The following BCAR3 variants were observed in gnomAD, a reference collection of about 807,000 sequenced individuals.
The protein encoded by BCAR3 is BCAR3 adaptor protein, NSP family member.
BCAR3 carries 37 observed loss-of-function variants against 80.1 expected under a neutral mutation model. The ratio of observed to expected loss-of-function variants is 0.46; its 90% CI spans 0.36 to 0.61. The LOEUF (loss-of-function observed/expected upper bound fraction) is 0.61, where lower values mean the gene tolerates loss of function less well. BCAR3 is among the 20% of genes least tolerant of loss of function. BCAR3 has a pLI of 0.00. For missense variants in BCAR3, 978 were observed against 1,068.2 expected (o/e 0.92, Z 1.18); for synonymous variants, 389 against 418.9 (o/e 0.93, Z 0.87).
chr1:93,605,243 A>C (rs1674740640), intron 3 of BCAR3, among the ~76,000 whole-genome samples: 1 of 152,222 alleles, frequency 6.6e-6, no homozygotes, highest in African/African-American at 2.4e-5. Context: ...GGAAGGCCGA[A>C]GGTCAATGGG....
intron 2 of BCAR3, among the ~76,000 whole-genome samples, chr1:93,707,443 C>T (rs1649863953): frequency 6.6e-6 from 1 of 152,116 alleles, no homozygotes; most frequent in Non-Finnish European, 1.5e-5. Flanking sequence ...GGCATGGTGG[C>T]TCATGCCTGT....
At chr1:93,600,191 C>T (rs771444090) in intron 3 of BCAR3, among the ~76,000 whole-genome samples, 6 of 152,252 alleles carry the variant, frequency 3.9e-5, no homozygotes, top group Non-Finnish European at 5.9e-5. Flanking sequence ...TCCCTGGGGG[C>T]GCAGACCCCA....
intron 4 of BCAR3, among the ~76,000 whole-genome samples, chr1:93,591,168 TAAAAAAAAAAA>T (rs35143036): frequency 1.5e-5 from 1 of 66,344 alleles, no homozygotes; most frequent in Non-Finnish European, 2.6e-5. Flanking sequence ...TCTACTACAT[TAAAAAAAAAAA>T]AAAAAAAAAA....
rs1648773510 is a variant in BCAR3, at chr1:93,681,700, T to C, written c.-114A>G. 6.6e-6 allele frequency: 1 copy of C among 151,646 alleles called. No homozygotes were observed. The highest frequency in any genetic ancestry group is 2.4e-5 in the African/African-American group (1 of 41,330). 9.4% of individuals were successfully genotyped at this position (151,646 alleles called of 1,614,324 possible). ...GGCCTCGCACCGCCCGCGCCGCGGC[T>C]GCTCCCGGAGCTGGGGACGCTCATG... On this transcript the variant is annotated 5_prime_UTR_variant, in exon 1 of 12. Transcript: ENST00000260502.
chr1:93,680,314 C>T (rs1242068105), intron 1 of BCAR3, among the ~76,000 whole-genome samples: 2 of 152,234 alleles, frequency 1.3e-5, no homozygotes, highest in African/African-American at 2.4e-5. Flanking sequence ...CTCAGCAGCA[C>T]TTTAGAGAAA....
intron 3 of BCAR3, chr1:93,613,775 C>CTA (rs1297551810): frequency 2.0e-6 from 3 of 1,513,182 alleles, no homozygotes; most frequent in African/African-American, 1.4e-5. Context: ...ATCTATTGCC[C>CTA]TTTAGGAAAC....
chr1:93,769,453 G>A (rs959604738), intron 2 of BCAR3, among the ~76,000 whole-genome samples: 2 of 151,040 alleles, frequency 1.3e-5, no homozygotes, highest in African/African-American at 4.9e-5. Flanking sequence ...GAAATGCAAT[G>A]TGATGGAAAT....
intron 3 of BCAR3, among the ~76,000 whole-genome samples, chr1:93,632,871 T>C (rs1287973038): frequency 6.6e-6 from 1 of 152,020 alleles, no homozygotes; most frequent in African/African-American, 2.4e-5. Flanking sequence ...TATAAAAAAT[T>C]AGCCAGGCGT....
At chr1:93,768,299 C>T (rs558235178) in intron 2 of BCAR3, among the ~76,000 whole-genome samples, 7 of 150,276 alleles carry the variant, frequency 4.7e-5, no homozygotes, top group South Asian at 2.1e-4. Flanking sequence ...GTACAACAGC[C>T]CAACAAAAAG....
rs113552276 is a variant in BCAR3 at position 93,797,090 on chromosome 1, C to T, written c.-63+48477G>A. Among the ~76,000 whole-genome samples, 840 of 152,280 alleles carry T rather than the reference C, an allele frequency of 5.5e-3. 8 individuals carry two copies. The highest frequency in any genetic ancestry group is 7.1e-3 in the Admixed American group (109 of 15,304). ...ATACCTTGTGCTTCTGCATCCAAAACGACTGGCCACGTTTTAGAGGCCACT... is the reference window on the plus strand; with the variant it reads ...ATACCTTGTGCTTCTGCATCCAAAATGACTGGCCACGTTTTAGAGGCCACT... On this transcript the variant is annotated intron_variant, in intron 2 of 13. Coordinates refer to the BCAR3 transcript ENST00000370244.
chr1:93,688,228 G>A (rs1649041821), intron 3 of BCAR3, among the ~76,000 whole-genome samples: 2 of 152,136 alleles, frequency 1.3e-5, no homozygotes, highest in South Asian at 4.1e-4. Flanking sequence ...CTAAACCTCA[G>A]TAAATACTAT....
At chr1:93,605,379 T>C (rs1431731399) in intron 3 of BCAR3, 3 of 152,290 alleles carry the variant, frequency 2.0e-5, no homozygotes, top group African/African-American at 4.8e-5. Context: ...CGAGCGACTT[T>C]GAATAATATC....
At chr1:93,591,496 C>T (rs1262223991) in intron 4 of BCAR3, among the ~76,000 whole-genome samples, 1 of 151,934 alleles carries the variant, frequency 6.6e-6, no homozygotes, top group Non-Finnish European at 1.5e-5. Context: ...AAAAAACTTA[C>T]GACATGATGC....
upstream of BCAR3, among the ~76,000 whole-genome samples, chr1:93,684,759 T>C (rs1467492864): frequency 6.6e-6 from 1 of 151,430 alleles, no homozygotes; most frequent in African/African-American, 2.5e-5. Flanking sequence ...TGAGACAGTC[T>C]CGCTTCTTTG....
At chr1:93,836,526 CCACTCT>C (rs1352437683) in intron 2 of BCAR3, among the ~76,000 whole-genome samples, 1 of 152,136 alleles carries the variant, frequency 6.6e-6, no homozygotes, top group Non-Finnish European at 1.5e-5. Flanking sequence ...TTAATCTCTC[CCACTCT>C]AAGTTCCCAC....
chr1:93,821,959 A>T (rs1265893435), intron 2 of BCAR3, among the ~76,000 whole-genome samples: 2 of 152,166 alleles, frequency 1.3e-5, no homozygotes, highest in African/African-American at 2.4e-5. Flanking sequence ...AGTCTGCAAT[A>T]ACTGAGTCAC....
intron 2 of BCAR3, among the ~76,000 whole-genome samples, chr1:93,711,614 G>A (rs1176152695): frequency 6.6e-6 from 1 of 152,178 alleles, no homozygotes; most frequent in African/African-American, 2.4e-5. Flanking sequence ...AAAGGGGTGT[G>A]GATATAGGAA....
At chr1:93,829,111 G>A (rs989929527) in intron 2 of BCAR3, among the ~76,000 whole-genome samples, 12 of 152,170 alleles carry the variant, frequency 7.9e-5, no homozygotes, top group Admixed American at 2.0e-4. Context: ...ACCCAAAAGA[G>A]GGTCTCCGGT....
chr1:93,707,671 C>T (rs757328481), intron 2 of BCAR3, among the ~76,000 whole-genome samples: 2 of 152,166 alleles, frequency 1.3e-5, no homozygotes, highest in Non-Finnish European at 2.9e-5. Flanking sequence ...CGCACCACTG[C>T]ACTCCAGTCT....
Sources: allele counts gnomAD v4.1 joint callset (sites outside exome capture counted in the v4.1 genomes callset), GRCh38; gene constraint gnomAD v4.1.1; transcripts MANE v1.5; gene names NCBI Gene and HGNC (gene_info 2026-07-23, HGNC 2026-07-21).